Variants in UNC13B observed in about 807,000 individuals in gnomAD.
UNC13B encodes the protein unc-13 homolog B.
A neutral mutation model predicts 211.0 loss-of-function variants in UNC13B; 144 were observed. That is an observed-to-expected ratio of 0.68 (90% CI 0.60 to 0.78). The LOEUF (loss-of-function observed/expected upper bound fraction) is 0.78. UNC13B is among the 30% of genes least tolerant of loss of function. The pLI, the probability that UNC13B is intolerant of heterozygous loss-of-function variation, is 0.00. For missense variants in UNC13B, 1,777 were observed against 2,002.0 expected, an observed-to-expected ratio of 0.89 and a Z score of 2.14; for synonymous variants, 709 against 725.8, an observed-to-expected ratio of 0.98 and a Z score of 0.37.
At chr9:35,283,371 C>T (rs7866794) in intron 7 of UNC13B, among the ~76,000 whole-genome samples, 95,902 of 151,948 alleles carry the variant, frequency 0.63, 30,925 homozygotes, top group Middle Eastern at 0.75. Context: ...AGAATATATA[C>T]ATTTATAATT....
At chr9:35,361,401 A>G (rs1381287633) in intron 11 of UNC13B, 2 of 152,218 alleles carry the variant, frequency 1.3e-5, no homozygotes, top group African/African-American at 2.4e-5. Flanking sequence ...GACAAACTGA[A>G]TAGCCAGTAT....
intron 1 of UNC13B, among the ~76,000 whole-genome samples, chr9:35,183,671 G>A (rs1822132876): frequency 7.0e-6 from 1 of 142,286 alleles, no homozygotes; most frequent in African/African-American, 2.7e-5. Context: ...GCCGGGCAGA[G>A]GCGCTCCTCA....
intron 5 of UNC13B, 135 bp from the exon 6 acceptor site, chr9:35,243,156 C>A: frequency 5.1e-6 from 4 of 780,704 alleles, no homozygotes; most frequent in Non-Finnish European, 6.4e-6. Flanking sequence ...TGACAAGAAC[C>A]AAACCATCAG....
At chr9:35,180,333 G>A (rs1821866071) in intron 1 of UNC13B, among the ~76,000 whole-genome samples, 2 of 151,920 alleles carry the variant, frequency 1.3e-5, no homozygotes, top group African/African-American at 4.8e-5. Context: ...GTGATAAGTC[G>A]CTATGAAGTA....
At chr9:35,296,936 G>C (rs1051824893) in intron 8 of UNC13B, among the ~76,000 whole-genome samples, 3 of 152,056 alleles carry the variant, frequency 2.0e-5, no homozygotes, top group Non-Finnish European at 2.9e-5. Context: ...AATTTCTCCA[G>C]TTATCTCCAT....
intron 11 of UNC13B, among the ~76,000 whole-genome samples, chr9:35,364,384 G>A (rs1833634529): frequency 6.6e-6 from 1 of 152,188 alleles, no homozygotes; most frequent in African/African-American, 2.4e-5. Flanking sequence ...GATTCTGGAA[G>A]CCAGTCAGCT....
At position 35,304,802 on chromosome 9, in the gene UNC13B, A is replaced by G. The variant is rs1829849928; in HGVS notation, c.5398A>G (p.Ile1800Val). Residue 1800 changes from isoleucine (I) to valine (V), a missense_variant, in exon 9 of 40, where the codon ATC becomes GTC. By Grantham distance (29) the Ile-to-Val change is conservative. Transcript: ENST00000635942. Reference protein sequence around the residue: ...ELTNDGFQSLIMSKQLEGNSP... With the variant: ...ELTNDGFQSLVMSKQLEGNSP... ...CACAAATGATGGCTTTCAGTCATTAATCATGAGTAAGCAATTAGAGGGTAA... is the reference window on the plus strand; with the variant it reads ...CACAAATGATGGCTTTCAGTCATTAGTCATGAGTAAGCAATTAGAGGGTAA... 1 of 398,868 alleles carries G rather than the reference A, an allele frequency of 2.5e-6. No homozygotes were observed. The highest frequency in any genetic ancestry group is 4.4e-5 in the Admixed American group (1 of 22,708). 24.7% of individuals were successfully genotyped at this position (398,868 alleles called of 1,614,324 possible). A position where few individuals can be genotyped will look rare whatever the true frequency, so the allele number is the denominator to read the frequency against.
intron 6 of UNC13B, among the ~76,000 whole-genome samples, chr9:35,257,374 AT>A (rs1564097846): frequency 2.1e-5 from 3 of 140,340 alleles, no homozygotes; most frequent in South Asian, 2.3e-4. Flanking sequence ...TATTTATAAA[AT>A]ATTTATATAA....
chr9:35,300,222 A>C lies in UNC13B; in HGVS notation c.818A>C (p.Asn273Thr). Residue 273 changes from asparagine to threonine, a missense_variant, in exon 9 of 40, where the codon AAT becomes ACT. Asn to Thr is a moderately conservative substitution (Grantham distance 65, BLOSUM62 0). Coordinates refer to ENST00000635942, the MANE Select transcript of UNC13B (RefSeq NM_001371189.2). The stretch of plus-strand genomic sequence containing the variant: ...AGAAGAAAAAAGAAATCCTTATACA[A>C]TCATTTTGAAGACAGTGAAAGAAGG... ...DRRRKKKSLY[N>T]HFEDSERRQY... 1.3e-5 allele frequency: 5 copies of C among 398,940 alleles called. No homozygotes were observed. Among genetic ancestry groups the C allele is most frequent in the Non-Finnish European group, 2.2e-5 (5 of 226,034 alleles). The allele number at this position is 398,940 out of a possible 1,614,324, so 24.7% of individuals were successfully genotyped here.
At chr9:35,398,025 A>G (rs1836004336) in intron 30 of UNC13B, among the ~76,000 whole-genome samples, 186 bp from the exon 31 acceptor site, 1 of 152,182 alleles carries the variant, frequency 6.6e-6, no homozygotes, top group South Asian at 2.1e-4. Flanking sequence ...CACCCAGCTT[A>G]AAAATGAAAA....
chr9:35,208,899 C>T (rs1177047224), intron 1 of UNC13B, among the ~76,000 whole-genome samples: 2 of 152,168 alleles, frequency 1.3e-5, no homozygotes, highest in African/African-American at 4.8e-5. Flanking sequence ...ATGATCCTTA[C>T]TGACTTTACT....
chr9:35,171,748 C>T (rs1157171604), intron 1 of UNC13B, among the ~76,000 whole-genome samples: 1 of 152,192 alleles, frequency 6.6e-6, no homozygotes, highest in Non-Finnish European at 1.5e-5. Context: ...GATTCTTCCA[C>T]TTGATGTGTG....
intron 11 of UNC13B, 69 bp from the exon 12 acceptor site, chr9:35,366,878 C>A: frequency 7.3e-7 from 1 of 1,360,650 alleles, no homozygotes; most frequent in Non-Finnish European, 1.1e-6. Flanking sequence ...CTCTACTGCT[C>A]GCTGCTCAGA....
At chr9:35,347,326 G>A (rs910149068) in intron 11 of UNC13B, among the ~76,000 whole-genome samples, 2 of 152,212 alleles carry the variant, frequency 1.3e-5, no homozygotes, top group Non-Finnish European at 1.5e-5. Context: ...GGCACACACA[G>A]TAAGTACTCA....
At chr9:35,377,289 A>T (rs1834486366) in intron 15 of UNC13B, among the ~76,000 whole-genome samples, 179 bp from the exon 16 acceptor site, 1 of 152,224 alleles carries the variant, frequency 6.6e-6, no homozygotes, top group Non-Finnish European at 1.5e-5. Context: ...GACTTGGCCA[A>T]AATCCATCAT....
At chr9:35,398,697 C>G in intron 32 of UNC13B, 55 bp downstream of exon 32, 3 of 1,597,858 alleles carry the variant, frequency 1.9e-6, no homozygotes, top group South Asian at 2.2e-5. Context: ...CCTAGCCAAT[C>G]CCAGAGCCCT....
chr9:35,399,851 A>G (rs940870001), intron 36 of UNC13B, 122 bp downstream of exon 36: 4 of 941,338 alleles, frequency 4.2e-6, no homozygotes, highest in African/African-American at 3.3e-5. Flanking sequence ...GAGAGTTACT[A>G]TGTACTGCCA....
intron 37 of UNC13B, 91 bp from the exon 38 acceptor site, chr9:35,403,076 G>A: frequency 9.1e-7 from 1 of 1,094,502 alleles, no homozygotes; most frequent in Non-Finnish European, 1.4e-6. Context: ...ATTGCTTCTT[G>A]CTTTTGGGTA....
chr9:35,317,559 G>A (rs1830524696), intron 11 of UNC13B, among the ~76,000 whole-genome samples: 1 of 120,420 alleles, frequency 8.3e-6, no homozygotes, highest in Admixed American at 1.0e-4. Flanking sequence ...GCCTCACTCT[G>A]TTGCCCAGGC....
Sources: gnomAD v4.1 joint callset for allele counts (sites outside exome capture counted in the v4.1 genomes callset) on GRCh38, gnomAD v4.1.1 for gene constraint, MANE v1.5 for transcripts, NCBI Gene and HGNC (gene_info 2026-07-23, HGNC 2026-07-21) for gene names.